The following ADAM22 variants were observed in gnomAD, a reference collection of about 807,000 sequenced individuals.
ADAM22 encodes ADAM metallopeptidase domain 22.
In ADAM22, 65 loss-of-function variants were observed where a neutral mutation model predicts 144.6. That is an observed-to-expected ratio of 0.45 (90% CI 0.37 to 0.55). ADAM22 has a LOEUF of 0.55. ADAM22 is among the 20% of genes least tolerant of loss of function. The probability of loss-of-function intolerance (pLI) is 0.00; values close to 1 mark genes in which losing one functional copy is unlikely to be tolerated. For missense variants in ADAM22, 974 were observed against 1,184.9 expected, an observed-to-expected ratio of 0.82 and a Z score of 2.61; for synonymous variants, 391 against 412.6, an observed-to-expected ratio of 0.95 and a Z score of 0.63.
chr7:87,948,292 T>C (rs973084998), intron 2 of ADAM22, among the ~76,000 whole-genome samples: 1 of 152,194 alleles, frequency 6.6e-6, no homozygotes, highest in African/African-American at 2.4e-5. Context: ...TTGCTGGACT[T>C]ATTTTGGGAT....
At position 88,168,155 on chromosome 7, in the gene ADAM22, T is replaced by C; in HGVS notation, c.2210T>C (p.Ile737Thr). 4.3e-6 allele frequency: 7 copies of C among 1,613,274 alleles called. No individual in the cohort carries two copies. The highest frequency in any genetic ancestry group is 5.9e-6 in the Non-Finnish European group (7 of 1,179,546). ...CTCTCAGGTGTTGCTGGCACCAATA[T>C]CATAATAGGCATAATTGCTGGCACC... ...LSGNGVAGTN[I>T]IIGIIAGTIL... The change falls in exon 25 of 32, where the codon ATC (isoleucine) becomes ACC (threonine). Residue 737 changes from isoleucine to threonine, a missense_variant. Transcript: ENST00000413139.
intron 5 of ADAM22, 73 bp from the exon 6 acceptor site, chr7:88,114,511 G>A: frequency 6.8e-7 from 1 of 1,460,986 alleles, no homozygotes; most frequent in Non-Finnish European, 9.6e-7. Flanking sequence ...TCTGGCTGCT[G>A]CTGATTTTAA....
chr7:88,003,751 T>C (rs564062787), intron 3 of ADAM22, among the ~76,000 whole-genome samples: 1 of 152,172 alleles, frequency 6.6e-6, no homozygotes, highest in Non-Finnish European at 1.5e-5. Context: ...CAACTGGTAT[T>C]TCTTGAGATG....
In ADAM22 at chr7:88,151,351, A is replaced by G. The variant is rs376958875; in HGVS notation, c.1681+31A>G. On this transcript the variant is annotated intron_variant, in intron 20 of 31. Transcript: ENST00000413139. The stretch of plus-strand genomic sequence containing the variant: ...TAAATAGTGTGGCTTGATCATTGTT[A>G]AAGCATGATGTCAGGCGGACTTCTC... The G allele has an allele frequency of 3.1e-6, 5 of 1,611,996 alleles. No homozygotes were observed. In the East Asian group the frequency reaches 8.9e-5, roughly 29 times the overall value.
rs1286126641 is a variant in ADAM22, at chr7:87,935,150, C to G, written c.210C>G (p.Leu70=). ...AAGACGAAAGTCGGCACGACGCGCTCGACACGCGGGTGCGGGGCGACCTCG... is the reference window on the plus strand; with the variant it reads ...AAGACGAAAGTCGGCACGACGCGCTGGACACGCGGGTGCGGGGCGACCTCG... ...GGEDESRHDA[L]DTRVRGDLGG... The change falls in exon 2 of 32, where the codon CTC becomes CTG. Residue 70 remains leucine, a synonymous_variant. Transcript: ENST00000413139. 6.2e-7 allele frequency: 1 copy of G among 1,612,352 alleles called. No individual in the cohort carries two copies. Among genetic ancestry groups the G allele is most frequent in the Non-Finnish European group, 8.5e-7 (1 of 1,179,298 alleles).
intron 3 of ADAM22, among the ~76,000 whole-genome samples, chr7:87,996,789 G>T (rs753207462): frequency 1.3e-5 from 2 of 152,190 alleles, no homozygotes; most frequent in Admixed American, 6.6e-5. Context: ...TTGTAGCCAG[G>T]GTGCCTGGCT....
chr7:88,039,153 C>A (rs1184855074), intron 3 of ADAM22, among the ~76,000 whole-genome samples: 1 of 151,936 alleles, frequency 6.6e-6, no homozygotes, highest in African/African-American at 2.4e-5. Context: ...CATTAGAAAA[C>A]AATTTCATGG....
intron 3 of ADAM22, among the ~76,000 whole-genome samples, chr7:88,072,724 C>G (rs1389621037): frequency 6.6e-6 from 1 of 152,110 alleles, no homozygotes; most frequent in East Asian, 1.9e-4. Flanking sequence ...GTTCAGATTC[C>G]CAGGAGAGGG....
intron 3 of ADAM22, among the ~76,000 whole-genome samples, chr7:88,028,860 T>C (rs919349244): frequency 6.6e-6 from 1 of 152,138 alleles, no homozygotes; most frequent in African/African-American, 2.4e-5. Context: ...ATGGAATATC[T>C]TTTTCCATCC....
chr7:87,971,755 C>G (rs1220086181), intron 2 of ADAM22, among the ~76,000 whole-genome samples: 3 of 152,158 alleles, frequency 2.0e-5, no homozygotes, highest in Non-Finnish European at 4.4e-5. Flanking sequence ...TACCTTTTTC[C>G]TTAAACTAAA....
At chr7:87,991,558 G>A (rs1789893956) in intron 3 of ADAM22, among the ~76,000 whole-genome samples, 1 of 150,680 alleles carries the variant, frequency 6.6e-6, no homozygotes, top group Non-Finnish European at 1.5e-5. Context: ...AGTAGAGACG[G>A]GGTTTCACCT....
chr7:88,134,257 A>T (rs1478135103), intron 12 of ADAM22, 72 bp from the exon 13 acceptor site: 3 of 1,172,980 alleles, frequency 2.6e-6, no homozygotes, highest in Admixed American at 4.5e-5. Context: ...CGATATTGTG[A>T]CATTTTTCTC....
chr7:88,085,749 CCCTTTTCATCCT>C (rs1818276136), intron 4 of ADAM22, among the ~76,000 whole-genome samples: 1 of 152,294 alleles, frequency 6.6e-6, no homozygotes, highest in Admixed American at 6.5e-5. Context: ...GCATCCCAAG[CCCTTTTCATCCT>C]CCTCTTGTAA....
chr7:88,082,274 G>T (rs1053948142), intron 4 of ADAM22, among the ~76,000 whole-genome samples: 1 of 152,166 alleles, frequency 6.6e-6, no homozygotes, highest in Admixed American at 6.5e-5. Flanking sequence ...TGGGAAAACT[G>T]GCTAGCCATA....
chr7:88,080,707 AT>A, intron 4 of ADAM22, among the ~76,000 whole-genome samples: 1 of 152,228 alleles, frequency 6.6e-6, no homozygotes, highest in South Asian at 2.1e-4. Context: ...CCATCAGAGA[AT>A]ACTACAAACA....
At chr7:87,959,380 T>A (rs1847538796) in intron 2 of ADAM22, among the ~76,000 whole-genome samples, 2 of 152,222 alleles carry the variant, frequency 1.3e-5, no homozygotes, top group South Asian at 4.1e-4. Context: ...CTCCTTTTTT[T>A]TTAAGCTCCT....
rs150499688 is a variant in ADAM22, at chr7:87,983,686, T to A, written c.323+5274T>A. ...TCTAGAAGTTTCTGAACTGTATAAT[T>A]TGGTGATAATAGCATTTTTATCTTT... On this transcript the variant is annotated intron_variant, in intron 3 of 31. Coordinates refer to ENST00000413139, the MANE Select transcript of ADAM22 (RefSeq NM_001324418.2). 2.1e-3 allele frequency among the ~76,000 whole-genome samples: 327 copies of A among 152,258 alleles called. 1 individual carries two copies. The highest frequency in any genetic ancestry group is 3.6e-3 in the Non-Finnish European group (244 of 68,032).
intron 2 of ADAM22, among the ~76,000 whole-genome samples, chr7:87,944,744 G>A (rs1293741804): frequency 1.3e-5 from 2 of 151,766 alleles, no homozygotes; most frequent in African/African-American, 4.8e-5. Flanking sequence ...CTACCTGAAA[G>A]AGTCTGAAGC....
chr7:87,986,969 T>C (rs1330462924), intron 3 of ADAM22, among the ~76,000 whole-genome samples: 1 of 152,192 alleles, frequency 6.6e-6, no homozygotes, highest in Admixed American at 6.5e-5. Flanking sequence ...TGTATATTTT[T>C]GTGCAACAGA....
Sources: gnomAD v4.1 joint callset for allele counts (sites outside exome capture counted in the v4.1 genomes callset) on GRCh38, gnomAD v4.1.1 for gene constraint, MANE v1.5 for transcripts, NCBI Gene and HGNC (gene_info 2026-07-23, HGNC 2026-07-21) for gene names.